Variants in FBXL20 observed in about 807,000 individuals in gnomAD.
The protein encoded by FBXL20 is F-box and leucine rich repeat protein 20, also known as F-box/LRR-repeat protein 20.
FBXL20 carries 11 observed loss-of-function variants against 64.0 expected under a neutral mutation model. The observed-to-expected ratio is 0.17, with a 90% confidence interval of 0.11 to 0.28. The LOEUF (loss-of-function observed/expected upper bound fraction) is 0.28. FBXL20 is among the 10% of genes least tolerant of loss of function. FBXL20 has a pLI of 1.00. For synonymous variants in FBXL20, 184 were observed against 189.0 expected, an observed-to-expected ratio of 0.97 and a Z score of 0.22; for missense variants, 303 against 526.2, an observed-to-expected ratio of 0.58 and a Z score of 4.15.
At chr17:39,261,727 C>T (rs902650392) in intron 14 of FBXL20, among the ~76,000 whole-genome samples, 160 bp from the exon 15 acceptor site, 1 of 152,002 alleles carries the variant, frequency 6.6e-6, no homozygotes, top group Non-Finnish European at 1.5e-5. Context: ...TACTTTGTTC[C>T]ATCCTAGGTT....
At chr17:39,262,684 C>A (rs1294589597) in intron 14 of FBXL20, among the ~76,000 whole-genome samples, 1 of 152,014 alleles carries the variant, frequency 6.6e-6, no homozygotes, top group Admixed American at 6.6e-5. Flanking sequence ...ATCTAACACA[C>A]AGATTCATCC....
intron 7 of FBXL20, among the ~76,000 whole-genome samples, chr17:39,284,810 C>A (rs1356300825): frequency 6.6e-6 from 1 of 152,134 alleles, no homozygotes; most frequent in Non-Finnish European, 1.5e-5. Flanking sequence ...CCTTGTTAAA[C>A]CTTAATAAAA....
intron 2 of FBXL20, among the ~76,000 whole-genome samples, chr17:39,311,523 C>A (rs913218532): frequency 2.0e-5 from 3 of 152,108 alleles, no homozygotes; most frequent in Non-Finnish European, 4.4e-5. Flanking sequence ...GACAAATTTG[C>A]TACCACCCTG....
intron 6 of FBXL20, among the ~76,000 whole-genome samples, chr17:39,289,942 T>C (rs979458022): frequency 1.4e-5 from 2 of 139,818 alleles, no homozygotes; most frequent in South Asian, 2.2e-4. Context: ...GAGGTTGCAG[T>C]TAGCTGAGAC....
rs1407298749 is a variant in FBXL20, at chr17:39,259,435, A to T, written c.*2025T>A. 1.3e-5 allele frequency: 2 copies of T among 152,174 alleles called. No homozygotes were observed. Among genetic ancestry groups the T allele is most frequent in the Non-Finnish European group, 2.9e-5 (2 of 68,012 alleles). 9.4% of individuals were successfully genotyped at this position (152,174 alleles called of 1,614,324 possible). A position where few individuals can be genotyped will look rare whatever the true frequency, so the allele number is the denominator to read the frequency against. ...CCCCGCCAAAATCACCCTACTAAAAATCACACTGGGTTTCTAATCTTGGGG... is the reference window on the plus strand; with the variant it reads ...CCCCGCCAAAATCACCCTACTAAAATTCACACTGGGTTTCTAATCTTGGGG... On this transcript the variant is annotated 3_prime_UTR_variant, in exon 15 of 15. Transcript: ENST00000264658.
chr17:39,261,363 G>C lies in FBXL20; in HGVS notation c.*97C>G. On this transcript the variant is annotated 3_prime_UTR_variant, in exon 15 of 15. Coordinates refer to ENST00000264658, the MANE Select transcript of FBXL20 (RefSeq NM_032875.3). ...TGCCCTCCCTCACTTTGTAACCCTT[G>C]CTCAGAACACTGGGGTTGCTTCCAC... 2 of 990,266 alleles carry C rather than the reference G, an allele frequency of 2.0e-6. No individual in the cohort carries two copies. The highest frequency in any genetic ancestry group is 3.2e-6 in the Non-Finnish European group (2 of 616,914). 61.3% of individuals were successfully genotyped at this position (990,266 alleles called of 1,614,324 possible). A position where few individuals can be genotyped will look rare whatever the true frequency, so the allele number is the denominator to read the frequency against.
At chr17:39,387,484 C>T (rs908833525) in intron 1 of FBXL20, among the ~76,000 whole-genome samples, 3 of 151,702 alleles carry the variant, frequency 2.0e-5, no homozygotes, top group African/African-American at 4.8e-5. Context: ...TCACCATGTT[C>T]GCCAGGCTGG....
chr17:39,287,264 C>T (rs1245814003), intron 6 of FBXL20, among the ~76,000 whole-genome samples: 3 of 152,068 alleles, frequency 2.0e-5, no homozygotes, highest in Admixed American at 6.6e-5. Flanking sequence ...TCATCTGATA[C>T]TGAAATGTGC....
rs774848115 is a variant in FBXL20, at chr17:39,397,174, G to A, written c.42+4187C>T. 4.6e-4 allele frequency among the ~76,000 whole-genome samples: 70 copies of A among 152,134 alleles called. 1 individual carries two copies. The highest frequency in any genetic ancestry group is 5.3e-4 in the Non-Finnish European group (36 of 68,034). On this transcript the variant is annotated intron_variant, in intron 1 of 14. Coordinates refer to ENST00000264658, the MANE Select transcript of FBXL20 (RefSeq NM_032875.3). ...ACCCGCTTTGGCCTCCCAAAGTGCT[G>A]TGATTACAGGCGTGAGCCACCATGC...
chr17:39,279,624 C>T (rs1290877736), intron 9 of FBXL20, among the ~76,000 whole-genome samples: 1 of 151,616 alleles, frequency 6.6e-6, no homozygotes, highest in Non-Finnish European at 1.5e-5. Flanking sequence ...TGGCCAGGCA[C>T]GTGGCTCACA....
chr17:39,281,071 A>G (rs1481227783), intron 9 of FBXL20, among the ~76,000 whole-genome samples: 1 of 152,164 alleles, frequency 6.6e-6, no homozygotes, highest in Non-Finnish European at 1.5e-5. Flanking sequence ...GCTTGACTGC[A>G]ATTTTAAATA....
intron 1 of FBXL20, among the ~76,000 whole-genome samples, chr17:39,349,935 C>CAA (rs35010353): frequency 4.5e-5 from 5 of 110,960 alleles, no homozygotes; most frequent in Non-Finnish European, 1.0e-4. Context: ...GACTCCGTCT[C>CAA]AAAAAAAAAA....
chr17:39,369,510 C>A (rs1434311362), intron 1 of FBXL20, among the ~76,000 whole-genome samples: 1 of 151,810 alleles, frequency 6.6e-6, no homozygotes, highest in African/African-American at 2.4e-5. Context: ...AGCCACCATA[C>A]CCAGCTAATT....
chr17:39,286,342 T>G (rs1046843356), intron 6 of FBXL20, among the ~76,000 whole-genome samples: 6 of 152,056 alleles, frequency 3.9e-5, no homozygotes, highest in Non-Finnish European at 8.8e-5. Flanking sequence ...GCCTCCTAAG[T>G]AGCTGGGACC....
intron 1 of FBXL20, among the ~76,000 whole-genome samples, chr17:39,400,245 C>T (rs1459160422): frequency 6.6e-6 from 1 of 152,130 alleles, no homozygotes; most frequent in African/African-American, 2.4e-5. Flanking sequence ...TCTTGATCTT[C>T]GTGGATCAAT....
chr17:39,351,599 G>A (rs1268137454), intron 1 of FBXL20, among the ~76,000 whole-genome samples: 1 of 152,138 alleles, frequency 6.6e-6, no homozygotes, highest in Admixed American at 6.6e-5. Context: ...TCTTGTGAAG[G>A]ATTTTCAATA....
chr17:39,385,521 T>C (rs980326857), intron 1 of FBXL20, among the ~76,000 whole-genome samples: 2 of 152,212 alleles, frequency 1.3e-5, no homozygotes, highest in Non-Finnish European at 1.5e-5. Context: ...CCTATAACTG[T>C]CTTATTTTAG....
At position 39,391,681 on chromosome 17, in the gene FBXL20, A is replaced by G. The variant is rs116762498; in HGVS notation, c.42+9680T>C. On this transcript the variant is annotated intron_variant, in intron 1 of 14. Transcript: ENST00000264658. ...CCTTATCCAAATTAATTTCAAAATAATAACATCAAAAGATATAGATGATCT... is the reference window on the plus strand; with the variant it reads ...CCTTATCCAAATTAATTTCAAAATAGTAACATCAAAAGATATAGATGATCT... Among the ~76,000 whole-genome samples, 1,071 of 152,332 alleles carry G rather than the reference A, an allele frequency of 7.0e-3. 14 individuals are homozygous for G. Among genetic ancestry groups the G allele is most frequent in the African/African-American group, 0.025 (1,030 of 41,580 alleles).
At chr17:39,334,319 G>A (rs1309046149) in intron 2 of FBXL20, among the ~76,000 whole-genome samples, 1 of 151,888 alleles carries the variant, frequency 6.6e-6, no homozygotes, top group African/African-American at 2.4e-5. Flanking sequence ...AGTACCCAGG[G>A]ACACAAACAC....
Sources: allele counts gnomAD v4.1 joint callset (sites outside exome capture counted in the v4.1 genomes callset), GRCh38; gene constraint gnomAD v4.1.1; transcripts MANE v1.5; gene names NCBI Gene and HGNC (gene_info 2026-07-23, HGNC 2026-07-21).